PCLO: variants seen among roughly 807,000 people sequenced by gnomAD.
PCLO encodes piccolo presynaptic cytomatrix protein.
Under a neutral mutation model 427.5 loss-of-function variants are expected in PCLO, and 82 were observed. The observed-to-expected ratio is 0.19, with a 90% CI of 0.16 to 0.23. The LOEUF is 0.23. Among genes scored for constraint, PCLO ranks in the 10% least tolerant of loss-of-function variants. PCLO has a pLI of 1.00. For synonymous variants in PCLO, 2,357 were observed against 2,155.4 expected (o/e 1.09, Z -2.59); for missense variants, 6,239 against 6,115.9 (o/e 1.02, Z -0.67).
intron 2 of PCLO, among the ~76,000 whole-genome samples, chr7:83,135,951 A>G (rs1209161764): frequency 6.6e-6 from 1 of 151,964 alleles, no homozygotes. Flanking sequence ...TACAAAAATT[A>G]GCTGGGCATG....
In PCLO at chr7:82,916,114, C is replaced by T; in HGVS notation, c.11872G>A (p.Val3958Met). The change falls in exon 7 of 25, where the codon GTG becomes ATG. Residue 3958 changes from valine to methionine, a missense_variant. Physicochemically the swap from Val to Met is conservative, Grantham distance 21. Coordinates refer to ENST00000333891, the MANE Select transcript of PCLO (RefSeq NM_033026.6). ...GTTTGCCGTGGCTTCTGTTGTATCA[C>T]CATCATCTGTGAAGGTAACTGATAA... The part of the protein sequence containing the change: ...PSYQLPSQMM[V>M]IQQKPRQTTL... 6.2e-7 allele frequency: 1 copy of T among 1,613,594 alleles called. No individual in the cohort carries two copies. The highest frequency in any genetic ancestry group is 8.5e-7 in the Non-Finnish European group (1 of 1,179,714).
intron 6 of PCLO, among the ~76,000 whole-genome samples, chr7:82,936,768 G>A (rs912200762): frequency 9.2e-5 from 14 of 151,488 alleles, no homozygotes; most frequent in African/African-American, 3.1e-4. Context: ...ATTAGTAGAT[G>A]AATGAATAAA....
chr7:82,882,101 A>G (rs1793522359), intron 9 of PCLO, among the ~76,000 whole-genome samples: 1 of 152,216 alleles, frequency 6.6e-6, no homozygotes, highest in Non-Finnish European at 1.5e-5. Context: ...GTGAAAAGAA[A>G]TTGAATTTAT....
At chr7:82,934,287 G>A (rs1035584609) in intron 6 of PCLO, among the ~76,000 whole-genome samples, 2 of 151,756 alleles carry the variant, frequency 1.3e-5, no homozygotes, top group East Asian at 1.9e-4. Context: ...GCAAATGATC[G>A]CATTCAGCAA....
chr7:82,990,808 T>C (rs1796359622), intron 3 of PCLO, among the ~76,000 whole-genome samples: 1 of 152,050 alleles, frequency 6.6e-6, no homozygotes, highest in African/African-American at 2.4e-5. Context: ...ATATAGCATA[T>C]AAACTGGGAA....
chr7:82,989,625 T>C (rs1334565228), intron 3 of PCLO, among the ~76,000 whole-genome samples: 1 of 152,216 alleles, frequency 6.6e-6, no homozygotes, highest in Non-Finnish European at 1.5e-5. Flanking sequence ...TTTATTCTCA[T>C]AATATGATCT....
At chr7:83,058,641 T>G (rs972325787) in intron 3 of PCLO, among the ~76,000 whole-genome samples, 1 of 152,142 alleles carries the variant, frequency 6.6e-6, no homozygotes, top group Non-Finnish European at 1.5e-5. Context: ...ATTAACTCAT[T>G]TAATCCTCCT....
rs563339569 is a variant in PCLO at position 83,134,839 on chromosome 7, C to T, written c.2711G>A (p.Arg904His). ...AATACTTCCCAGATTCAGACTGAAA[C>T]GCCTTGACTGCTCCTGAGGCTTTGG... ...QSPKPQEQSR[R>H]FSLNLGSITD... The change falls in exon 3 of 25, where the codon CGT (arginine) becomes CAT (histidine). Residue 904 changes from arginine to histidine, a missense_variant. Arg to His is a conservative substitution (Grantham distance 29). This residue lies in a region of PCLO where 4,677 missense variants were observed against 4,468.4 expected (regional missense o/e 1.05). Coordinates refer to ENST00000333891, the MANE Select transcript of PCLO (RefSeq NM_033026.6). 3.1e-5 allele frequency: 50 copies of T among 1,612,066 alleles called. No individual in the cohort carries two copies. Among genetic ancestry groups the T allele is most frequent in the East Asian group, 4.5e-5 (2 of 44,844 alleles).
rs546515283 is a variant in PCLO at position 82,949,911 on chromosome 7, A to C, written c.10677T>G (p.Thr3559=). The change falls in exon 6 of 25, where the codon ACT becomes ACG. Residue 3559 remains threonine, a synonymous_variant. Coordinates refer to ENST00000333891, the MANE Select transcript of PCLO (RefSeq NM_033026.6). ...GACATCCTAAACTGCCCCCTTTGTA[A>C]GTCTTTTCAGGTGCTGAAATGTGTT... ...IIKHISAPEK[T]YKGGSLGCQT... is the part of the protein sequence containing the mutation. The C allele has an allele frequency of 6.2e-7, 1 of 1,613,640 alleles. No individual in the cohort carries two copies. The highest frequency in any genetic ancestry group is 1.3e-5 in the African/African-American group (1 of 74,898).
At chr7:83,010,921 C>T (rs41590) in intron 3 of PCLO, among the ~76,000 whole-genome samples, 45,548 of 151,870 alleles carry the variant, frequency 0.3, 7,139 homozygotes, top group Middle Eastern at 0.45. Flanking sequence ...ATATGAATAC[C>T]TGTCATACCC....
chr7:83,004,454 G>GA (rs1166076366), intron 3 of PCLO, among the ~76,000 whole-genome samples: 11 of 143,850 alleles, frequency 7.6e-5, no homozygotes, highest in African/African-American at 2.9e-4. Context: ...ATATCCACAT[G>GA]AAAAATAATG....
Position 82,950,784 on chromosome 7 carries a change from G to GAGA in PCLO, c.9801_9803dup (p.Leu3268dup). ...CTTGCCGCTCTTCTTCTTGCTGAAA[G>GAGA]AGAAGGTGTTGCTTCATAGACTGCA... On this transcript the variant is annotated inframe_insertion, in exon 6 of 25. Transcript: ENST00000333891. 9 of 1,613,772 alleles carry GAGA rather than the reference G, an allele frequency of 5.6e-6. No homozygotes were observed. Among genetic ancestry groups the GAGA allele is most frequent in the Non-Finnish European group, 7.6e-6 (9 of 1,179,826 alleles).
chr7:83,070,267 C>CAAGA (rs2116350302), intron 3 of PCLO, among the ~76,000 whole-genome samples: 1 of 152,198 alleles, frequency 6.6e-6, no homozygotes, highest in African/African-American at 2.4e-5. Flanking sequence ...AGACTACAGC[C>CAAGA]AAGACCAACA....
rs1791792691 is a variant in PCLO at position 83,138,787 on chromosome 7, TGGACACAG to T, written c.1894-3139_1894-3132del. On this transcript the variant is annotated intron_variant, in intron 2 of 24. Transcript: ENST00000333891. The stretch of plus-strand genomic sequence containing the variant: ...GTGGGAGATGAACAATGAGAACACA[TGGACACAG>T]GGAGGAGAACATCACACACTGGGGC... 2.9e-5 allele frequency among the ~76,000 whole-genome samples: 4 copies of T among 139,494 alleles called. No homozygotes were observed. In the Admixed American group the frequency reaches 3.0e-4, roughly 10 times the overall value. 91.5% of individuals were successfully genotyped at this position (139,494 alleles called of 152,430 possible). A position where few individuals can be genotyped will look rare whatever the true frequency, so the allele number is the denominator to read the frequency against.
At position 83,155,079 on chromosome 7, in the gene PCLO, G is replaced by A; in HGVS notation, c.1562C>T (p.Pro521Leu). Residue 521 changes from proline (P) to leucine (L), a missense_variant, in exon 2 of 25, where the codon CCT becomes CTT. Pro to Leu is a moderately conservative substitution (Grantham distance 98). Transcript: ENST00000333891. Reference protein sequence around the residue: ...PQQPGPAKPSPQQPGSTKPPS... With the variant: ...PQQPGPAKPSLQQPGSTKPPS... ...GGGTTTTGTTGAGCCAGGCTGTTGA[G>A]GTGAGGGCTTTGCTGGGCCAGGCTG... 1.2e-6 allele frequency: 2 copies of A among 1,608,250 alleles called. No homozygotes were observed. The highest frequency in any genetic ancestry group is 1.7e-6 in the Non-Finnish European group (2 of 1,177,640).
chr7:82,972,072 A>G (rs1174175869), intron 3 of PCLO, among the ~76,000 whole-genome samples: 1 of 151,984 alleles, frequency 6.6e-6, no homozygotes, highest in Non-Finnish European at 1.5e-5. Context: ...CAGGGTATCA[A>G]AATTCATCTC....
chr7:82,951,411 A>G lies in PCLO; in HGVS notation c.9177T>C (p.Ser3059=). 1.3e-6 allele frequency: 2 copies of G among 1,598,324 alleles called. No homozygotes were observed. The highest frequency in any genetic ancestry group is 1.7e-6 in the Non-Finnish European group (2 of 1,171,680). Residue 3059 remains serine, a synonymous_variant, in exon 6 of 25, where the codon AGT becomes AGC. Transcript: ENST00000333891. ...TTCTTGCTGTGGAATACTGTGGGGT[A>G]CTAATCCCAGCTCCTGAAATGACTT... The part of the protein sequence containing the change: ...TRQVISGAGI[S]TPQYSTARMT...
At chr7:82,805,035 G>GAGTT (rs1791430361) in intron 21 of PCLO, among the ~76,000 whole-genome samples, 1 of 151,672 alleles carries the variant, frequency 6.6e-6, no homozygotes, top group African/African-American at 2.4e-5. Flanking sequence ...TGACCAAGGC[G>GAGTT]ATTCTAACAC....
At chr7:82,919,685 T>G (rs889854996) in intron 6 of PCLO, among the ~76,000 whole-genome samples, 3 of 151,798 alleles carry the variant, frequency 2.0e-5, no homozygotes, top group African/African-American at 7.2e-5. Context: ...TGAAGGAGGA[T>G]GTGGGAAGAA....
Sources: allele counts gnomAD v4.1 joint callset (sites outside exome capture counted in the v4.1 genomes callset), GRCh38; gene constraint gnomAD v4.1.1; regional missense constraint gnomAD v4.1.1; transcripts MANE v1.5; gene names NCBI Gene and HGNC (gene_info 2026-07-23, HGNC 2026-07-21).